RNGTT: variants seen among roughly 807,000 people sequenced by gnomAD.
RNGTT encodes RNA guanylyltransferase and 5'-phosphatase, also known as mRNA-capping enzyme.
Under a neutral mutation model 79.3 loss-of-function variants are expected in RNGTT, and 33 were observed. The observed-to-expected ratio is 0.42, with a 90% CI of 0.32 to 0.56. The LOEUF is 0.56. Ranked by LOEUF, RNGTT falls within the 20% of genes least tolerant of loss-of-function variation. The pLI is 0.17. For synonymous variants in RNGTT, 222 were observed against 235.9 expected, an observed-to-expected ratio of 0.94 and a Z score of 0.54; for missense variants, 497 against 739.1, an observed-to-expected ratio of 0.67 and a Z score of 3.80.
chr6:88,896,100 T>C (rs1486416904), intron 6 of RNGTT, among the ~76,000 whole-genome samples: 1 of 152,216 alleles, frequency 6.6e-6, no homozygotes, highest in African/African-American at 2.4e-5. Context: ...ACTACTGTTC[T>C]ATACCTCCTC....
At chr6:88,876,752 A>G (rs1408665272) in intron 8 of RNGTT, among the ~76,000 whole-genome samples, 2 of 152,190 alleles carry the variant, frequency 1.3e-5, no homozygotes, top group Non-Finnish European at 2.9e-5. Flanking sequence ...CGAAAAATTC[A>G]TTTGTTTTAA....
intron 11 of RNGTT, among the ~76,000 whole-genome samples, 186 bp from the exon 12 acceptor site, chr6:88,801,818 C>CACAG (rs1276406165): frequency 1.4e-5 from 2 of 139,446 alleles, no homozygotes; most frequent in African/African-American, 5.8e-5. Flanking sequence ...AATACACACA[C>CACAG]ACAGACACAC....
At chr6:88,787,386 C>A (rs1204293063) in intron 12 of RNGTT, among the ~76,000 whole-genome samples, 1 of 152,056 alleles carries the variant, frequency 6.6e-6, no homozygotes, top group African/African-American at 2.4e-5. Flanking sequence ...TTGGGCCAGG[C>A]GTGGTGGCTC....
chr6:88,777,148 T>C (rs1778915755), intron 12 of RNGTT, among the ~76,000 whole-genome samples: 1 of 152,178 alleles, frequency 6.6e-6, no homozygotes, highest in Admixed American at 6.5e-5. Context: ...GTCAAAAATT[T>C]GAACATACAT....
chr6:88,954,697 T>C (rs1401826917), intron 1 of RNGTT, among the ~76,000 whole-genome samples: 2 of 151,502 alleles, frequency 1.3e-5, no homozygotes, highest in Non-Finnish European at 2.9e-5. Flanking sequence ...TATCCTCTCA[T>C]ACCACAGTGG....
chr6:88,616,311 C>T (rs894909045), intron 14 of RNGTT, among the ~76,000 whole-genome samples: 7 of 152,176 alleles, frequency 4.6e-5, no homozygotes, highest in African/African-American at 1.7e-4. Context: ...TTGCAAAGAA[C>T]GTGGGTGTGA....
At chr6:88,860,584 C>G (rs1781981179) in intron 8 of RNGTT, among the ~76,000 whole-genome samples, 1 of 152,150 alleles carries the variant, frequency 6.6e-6, no homozygotes, top group African/African-American at 2.4e-5. Context: ...GGCTCTGGTC[C>G]TTGCTGCTGG....
At chr6:88,923,353 C>T (rs1018460940) in intron 4 of RNGTT, among the ~76,000 whole-genome samples, 3 of 152,116 alleles carry the variant, frequency 2.0e-5, no homozygotes, top group Admixed American at 6.6e-5. Context: ...AAAATAAGTT[C>T]GTAGTCTTGA....
Position 88,950,881 on chromosome 6 carries a change from C to T in RNGTT, c.65-9701G>A, listed in dbSNP as rs535416253. On this transcript the variant is annotated intron_variant, in intron 1 of 15. Coordinates refer to ENST00000369485, the MANE Select transcript of RNGTT (RefSeq NM_003800.5). ...TTTTGGTTTTTTTTTTTTTTTGAGA[C>T]AGGGTCTTACTCTGTCACTCAGGCT... is the stretch of plus-strand genomic sequence containing the variant. 4.1e-5 allele frequency among the ~76,000 whole-genome samples: 6 copies of T among 145,844 alleles called. No homozygotes were observed. The East Asian group carries it at 1.2e-3, about 29-fold the overall frequency.
At chr6:88,893,164 T>C (rs1331535756) in intron 6 of RNGTT, among the ~76,000 whole-genome samples, 2 of 152,108 alleles carry the variant, frequency 1.3e-5, no homozygotes, top group African/African-American at 4.8e-5. Flanking sequence ...ACCAGATAGA[T>C]GAGGTTTGTA....
At chr6:88,774,334 T>C (rs1281334232) in intron 12 of RNGTT, among the ~76,000 whole-genome samples, 1 of 151,970 alleles carries the variant, frequency 6.6e-6, no homozygotes, top group Non-Finnish European at 1.5e-5. Flanking sequence ...CAAGTGTTGG[T>C]GAGAATGTGG....
intron 2 of RNGTT, among the ~76,000 whole-genome samples, chr6:88,930,169 T>TACATATATGTATATACATATATACATAA (rs1482916271): frequency 4.2e-5 from 6 of 142,366 alleles, no homozygotes; most frequent in Non-Finnish European, 7.4e-5. Context: ...TATATACATA[T>TACATATATGTATATACATATATACATAA]ACATATATGT....
At chr6:88,803,346 C>T (rs973933628) in intron 11 of RNGTT, among the ~76,000 whole-genome samples, 3 of 151,868 alleles carry the variant, frequency 2.0e-5, no homozygotes, top group African/African-American at 4.8e-5. Context: ...GAGGCTGAGG[C>T]GGGCAGATCA....
At chr6:88,650,002 T>C (rs931841350) in intron 14 of RNGTT, among the ~76,000 whole-genome samples, 2 of 152,214 alleles carry the variant, frequency 1.3e-5, no homozygotes, top group Non-Finnish European at 1.5e-5. Context: ...TTTTCATGAT[T>C]TTACTGATTA....
At chr6:88,626,132 A>C (rs1772623817) in intron 14 of RNGTT, among the ~76,000 whole-genome samples, 1 of 152,048 alleles carries the variant, frequency 6.6e-6, no homozygotes, top group Admixed American at 6.6e-5. Context: ...GTTAATAGAC[A>C]GTAAATGGTG....
intron 13 of RNGTT, among the ~76,000 whole-genome samples, chr6:88,711,217 CTTAG>C: frequency 6.6e-6 from 1 of 152,140 alleles, no homozygotes; most frequent in East Asian, 1.9e-4. Flanking sequence ...ACAGTACATA[CTTAG>C]TTATTATTCA....
intron 6 of RNGTT, among the ~76,000 whole-genome samples, chr6:88,892,239 C>T (rs1783075713): frequency 6.6e-6 from 1 of 151,948 alleles, no homozygotes. Context: ...CTAATCCTTA[C>T]AACACTGAAA....
At chr6:88,767,460 A>T (rs938891899) in intron 13 of RNGTT, among the ~76,000 whole-genome samples, 9 of 152,060 alleles carry the variant, frequency 5.9e-5, no homozygotes, top group Non-Finnish European at 1.2e-4. Context: ...TTCTATGTTT[A>T]GCCTCAGGAA....
At chr6:88,870,446 A>G (rs1238967284) in intron 8 of RNGTT, among the ~76,000 whole-genome samples, 1 of 151,984 alleles carries the variant, frequency 6.6e-6, no homozygotes, top group Non-Finnish European at 1.5e-5. Flanking sequence ...GCCTATAAAT[A>G]AAAGAGCTAC....
Sources: gnomAD v4.1 joint callset for allele counts (sites outside exome capture counted in the v4.1 genomes callset) on GRCh38, gnomAD v4.1.1 for gene constraint, MANE v1.5 for transcripts, NCBI Gene and HGNC (gene_info 2026-07-23, HGNC 2026-07-21) for gene names.